Variants in SMIM13 observed in about 807,000 individuals in gnomAD.
The protein encoded by SMIM13 is UPF0766 protein C6orf228.
In SMIM13, 3 loss-of-function variants were observed where a neutral mutation model predicts 5.9. The ratio of observed to expected loss-of-function variants is 0.51; its 90% CI spans 0.23 to 1.31. The LOEUF (loss-of-function observed/expected upper bound fraction) is 1.31, where lower values mean the gene tolerates loss of function less well. Among genes scored for constraint, SMIM13 ranks in the 40% most tolerant of loss-of-function variants. The probability of loss-of-function intolerance (pLI) is 0.18; values close to 1 mark genes in which losing one functional copy is unlikely to be tolerated. For missense variants in SMIM13, 85 were observed against 109.9 expected (o/e 0.77, Z 1.01); for synonymous variants, 55 against 46.0 (o/e 1.19, Z -0.79).
Position 11,125,598 on chromosome 6 carries a change from G to A in SMIM13, c.77-8805G>A, listed in dbSNP as rs141229263. Among the ~76,000 whole-genome samples the A allele has an allele frequency of 3.3e-5, 5 of 152,182 alleles. No individual in the cohort carries two copies. In the East Asian group the frequency reaches 9.7e-4, roughly 29 times the overall value. ...AGCCTGGGTGACAGAGCGAGACCCC[G>A]TCTCAAAACAAAAGACAAAACAACA... On this transcript the variant is annotated intron_variant, in intron 1 of 1. Transcript: ENST00000416247.
At chr6:11,097,359 A>G (rs1349821880) in intron 1 of SMIM13, among the ~76,000 whole-genome samples, 2 of 152,100 alleles carry the variant, frequency 1.3e-5, no homozygotes, top group African/African-American at 4.8e-5. Flanking sequence ...ACCTCTTTAA[A>G]AATCTTTATC....
intron 1 of SMIM13, among the ~76,000 whole-genome samples, chr6:11,131,845 C>T (rs1758453865): frequency 6.6e-6 from 1 of 152,080 alleles, no homozygotes; most frequent in South Asian, 2.1e-4. Flanking sequence ...TGTAAATCTT[C>T]ATGACGTAGG....
chr6:11,127,080 G>A (rs1758386582), intron 1 of SMIM13, among the ~76,000 whole-genome samples: 1 of 152,234 alleles, frequency 6.6e-6, no homozygotes, highest in Admixed American at 6.5e-5. Context: ...TGCTGAGTCA[G>A]ACTCGAAGCC....
chr6:11,130,735 T>C (rs142016846), intron 1 of SMIM13, among the ~76,000 whole-genome samples: 1 of 152,322 alleles, frequency 6.6e-6, no homozygotes, highest in African/African-American at 2.4e-5. Flanking sequence ...AATGCTCTTG[T>C]ATTCCAAGCC....
At chr6:11,124,399 A>T (rs973433182) in intron 1 of SMIM13, among the ~76,000 whole-genome samples, 25 of 152,176 alleles carry the variant, frequency 1.6e-4, no homozygotes, top group African/African-American at 6.0e-4. Context: ...TTGTCTGTTG[A>T]TGGACACCTA....
Position 11,138,571 on chromosome 6 carries a change from C to T in SMIM13, c.*3969C>T, listed in dbSNP as rs903088530. 1 of 151,922 alleles carries T rather than the reference C, an allele frequency of 6.6e-6. No homozygotes were observed. Among genetic ancestry groups the T allele is most frequent in the African/African-American group, 2.4e-5 (1 of 41,382 alleles). 9.4% of individuals were successfully genotyped at this position (151,922 alleles called of 1,614,324 possible). ...TTAGAATTACGTGTTTTAATAGTAC[C>T]TTTGTATATATAACAAGATGTAAAA... is the stretch of plus-strand genomic sequence containing the variant. On this transcript the variant is annotated 3_prime_UTR_variant, in exon 2 of 2. Transcript: ENST00000416247.
intron 1 of SMIM13, among the ~76,000 whole-genome samples, chr6:11,101,635 A>G (rs550804625): frequency 3.9e-5 from 6 of 152,198 alleles, no homozygotes; most frequent in South Asian, 4.1e-4. Flanking sequence ...TGAAGACACT[A>G]TTCTCATGCT....
intron 1 of SMIM13, among the ~76,000 whole-genome samples, chr6:11,123,534 A>G (rs569738882): frequency 6.6e-6 from 1 of 152,348 alleles, no homozygotes; most frequent in Admixed American, 6.5e-5. Flanking sequence ...TTTGAGCCCT[A>G]TTAGCAGCAA....
intron 1 of SMIM13, among the ~76,000 whole-genome samples, 171 bp from the exon 2 acceptor site, chr6:11,134,232 A>G (rs547070916): frequency 1.3e-5 from 2 of 152,192 alleles, no homozygotes; most frequent in African/African-American, 4.8e-5. Flanking sequence ...CTGTAATCCC[A>G]GAGTTTATCC....
At chr6:11,107,976 A>G (rs575876433) in intron 1 of SMIM13, among the ~76,000 whole-genome samples, 1 of 152,250 alleles carries the variant, frequency 6.6e-6, no homozygotes, top group Non-Finnish European at 1.5e-5. Flanking sequence ...AGACCTCTGG[A>G]TAAATGGGAA....
intron 1 of SMIM13, among the ~76,000 whole-genome samples, chr6:11,107,825 A>G (rs1049484648): frequency 2.0e-5 from 3 of 152,088 alleles, no homozygotes; most frequent in Non-Finnish European, 2.9e-5. Context: ...TGTTTTTGAA[A>G]TTTTTCAGTC....
At position 11,104,740 on chromosome 6, in the gene SMIM13, G is replaced by A. The variant is rs758765949; in HGVS notation, c.76+10351G>A. The A allele has an allele frequency of 2.4e-5, 38 of 1,614,068 alleles. No homozygotes were observed. Among genetic ancestry groups the A allele is most frequent in the East Asian group, 1.1e-4 (5 of 44,896 alleles). On this transcript the variant is annotated intron_variant, in intron 1 of 1. Transcript: ENST00000416247. ...GAGCTTGGGCGTCCCTGGCAAAACCGGCTGGATTTATCTAGCAAAGTTCCC... is the reference window on the plus strand; with the variant it reads ...GAGCTTGGGCGTCCCTGGCAAAACCAGCTGGATTTATCTAGCAAAGTTCCC...
rs1194948404 is a variant in SMIM13, at chr6:11,137,451, C to G, written c.*2849C>G. On this transcript the variant is annotated 3_prime_UTR_variant, in exon 2 of 2. Coordinates refer to ENST00000416247, the MANE Select transcript of SMIM13 (RefSeq NM_001135575.2). ...ACTTACTGGAACTGCATCACAACTA[C>G]ATTTGCAGTCTCAGTGGGAGGTGGA... 6.6e-6 allele frequency: 1 copy of G among 152,036 alleles called. No homozygotes were observed. Among genetic ancestry groups the G allele is most frequent in the Non-Finnish European group, 1.5e-5 (1 of 67,968 alleles). 9.4% of individuals were successfully genotyped at this position (152,036 alleles called of 1,614,324 possible). A position where few individuals can be genotyped will look rare whatever the true frequency, so the allele number is the denominator to read the frequency against.
intron 1 of SMIM13, chr6:11,103,952 T>G (rs1183335206): frequency 1.3e-6 from 2 of 1,551,680 alleles, no homozygotes; most frequent in Non-Finnish European, 8.7e-7. Context: ...TTAGGAGTTG[T>G]CTGATGTTGT....
chr6:11,104,936 A>G (rs138512061), intron 1 of SMIM13: 17 of 1,614,140 alleles, frequency 1.1e-5, no homozygotes, highest in Admixed American at 3.3e-5. Flanking sequence ...CCATAACACA[A>G]ATAGGGGCTA....
intron 1 of SMIM13, among the ~76,000 whole-genome samples, chr6:11,100,826 C>G (rs1380072857): frequency 1.3e-5 from 2 of 152,126 alleles, no homozygotes; most frequent in Non-Finnish European, 2.9e-5. Context: ...TTATTGCCTT[C>G]TGTTTCCTTG....
intron 1 of SMIM13, chr6:11,104,260 C>T: frequency 6.4e-7 from 1 of 1,551,670 alleles, no homozygotes; most frequent in Non-Finnish European, 8.7e-7. Flanking sequence ...AAATGGATTG[C>T]CCTCCTCACC....
intron 1 of SMIM13, among the ~76,000 whole-genome samples, chr6:11,107,608 G>C (rs954652028): frequency 6.6e-6 from 1 of 152,166 alleles, no homozygotes; most frequent in African/African-American, 2.4e-5. Flanking sequence ...GGGTCGAGGG[G>C]GAGATACAAA....
chr6:11,098,614 G>A (rs1463594779), intron 1 of SMIM13, among the ~76,000 whole-genome samples: 3 of 152,128 alleles, frequency 2.0e-5, no homozygotes, highest in Admixed American at 2.0e-4. Flanking sequence ...TGTATTTTTA[G>A]TAGTGACGGG....
Sources: allele counts gnomAD v4.1 joint callset (sites outside exome capture counted in the v4.1 genomes callset), GRCh38; gene constraint gnomAD v4.1.1; transcripts MANE v1.5; gene names NCBI Gene and HGNC (gene_info 2026-07-23, HGNC 2026-07-21).